Variants in SLC24A2 observed in about 807,000 individuals in gnomAD.
SLC24A2 encodes sodium/potassium/calcium exchanger 2.
Under a neutral mutation model 62.0 loss-of-function variants are expected in SLC24A2, and 36 were observed. That is an observed-to-expected ratio of 0.58 (90% CI 0.44 to 0.77). SLC24A2 has a LOEUF of 0.77. SLC24A2 is among the 30% of genes least tolerant of loss of function. SLC24A2 has a pLI of 0.00. For synonymous variants in SLC24A2, 358 were observed against 294.0 expected, an observed-to-expected ratio of 1.22 and a Z score of -2.23; for missense variants, 846 against 817.9, an observed-to-expected ratio of 1.03 and a Z score of -0.42.
At chr9:19,828,277 G>C in the SLC24A2 span, among the ~76,000 whole-genome samples, 5 of 151,996 alleles carry the variant, frequency 3.3e-5, no homozygotes, top group East Asian at 9.7e-4. Context: ...ATAACTAAAA[G>C]AATGGAATTG....
intron 8 of SLC24A2, among the ~76,000 whole-genome samples, chr9:19,535,484 A>C (rs965998333): frequency 1.3e-5 from 2 of 152,144 alleles, no homozygotes; most frequent in Non-Finnish European, 2.9e-5. Context: ...TTACGGTTTT[A>C]GGTCTTAAGG....
chr9:19,512,766 T>G lies in SLC24A2; in HGVS notation c.*3387A>C, dbSNP rs188506762. ...GATTGATTAGTACAATGTTGGCTCT[T>G]GAATTGTTGATATCTTTTATACCCT... On this transcript the variant is annotated 3_prime_UTR_variant, in exon 11 of 11. Coordinates refer to ENST00000341998, the MANE Select transcript of SLC24A2 (RefSeq NM_020344.4). 1.4e-4 allele frequency: 21 copies of G among 152,262 alleles called. No individual in the cohort carries two copies. The East Asian group carries it at 3.1e-3, about 22-fold the overall frequency. 9.4% of individuals were successfully genotyped at this position (152,262 alleles called of 1,614,324 possible). A position where few individuals can be genotyped will look rare whatever the true frequency, so the allele number is the denominator to read the frequency against.
chr9:20,068,478 G>T, the SLC24A2 span, among the ~76,000 whole-genome samples: 1 of 152,042 alleles, frequency 6.6e-6, no homozygotes, highest in Non-Finnish European at 1.5e-5. Context: ...AACATATTAT[G>T]ATTGTTACCC....
chr9:20,150,895 A>T, the SLC24A2 span, among the ~76,000 whole-genome samples: 1 of 151,976 alleles, frequency 6.6e-6, no homozygotes, highest in Non-Finnish European at 1.5e-5. Flanking sequence ...AAACATAAAC[A>T]AATGGTTATT....
Position 19,562,884 on chromosome 9 carries a change from C to T in SLC24A2, c.1347+10467G>A, listed in dbSNP as rs1403186268. On this transcript the variant is annotated intron_variant, in intron 7 of 10. Transcript: ENST00000341998. Reference sequence around the variant, plus strand: ...CTTTTGGAGCTCTGGGTAGAAGGATCGCTTGAGGCCAGGAGTTTGAGACCA... The same window carrying T: ...CTTTTGGAGCTCTGGGTAGAAGGATTGCTTGAGGCCAGGAGTTTGAGACCA... Among the ~76,000 whole-genome samples, 9 of 152,174 alleles carry T rather than the reference C, an allele frequency of 5.9e-5. No individual in the cohort carries two copies. The East Asian group carries it at 1.4e-3, about 23-fold the overall frequency.
intron 4 of SLC24A2, among the ~76,000 whole-genome samples, chr9:19,597,956 G>A (rs1358794183): frequency 6.6e-6 from 1 of 152,110 alleles, no homozygotes. Flanking sequence ...AACAGCAGGA[G>A]GCAGGGCAAG....
intron 8 of SLC24A2, among the ~76,000 whole-genome samples, chr9:19,543,306 G>T (rs1834375533): frequency 6.6e-6 from 1 of 151,758 alleles, no homozygotes; most frequent in Non-Finnish European, 1.5e-5. Context: ...GCATCCATTT[G>T]ATTCTTCTCT....
intron 7 of SLC24A2, among the ~76,000 whole-genome samples, chr9:19,572,245 G>A (rs1006584638): frequency 5.0e-5 from 6 of 121,130 alleles, no homozygotes; most frequent in Non-Finnish European, 8.2e-5. Context: ...GGGTGACAGA[G>A]TGAGAGTCCG....
the SLC24A2 span, among the ~76,000 whole-genome samples, chr9:19,809,023 C>A: frequency 6.6e-6 from 1 of 152,176 alleles, no homozygotes; most frequent in Non-Finnish European, 1.5e-5. Context: ...GGTTCTGAAT[C>A]TTATTTCTGG....
chr9:19,804,121 T>C, the SLC24A2 span, among the ~76,000 whole-genome samples: 3 of 152,156 alleles, frequency 2.0e-5, no homozygotes, highest in African/African-American at 7.2e-5. Flanking sequence ...CATTTACACA[T>C]GAATTATAGA....
rs1444670501 is a variant in SLC24A2, at chr9:19,509,946, TATAAACA to T, written c.*6200_*6206del. 1.3e-5 allele frequency: 2 copies of T among 152,190 alleles called. No homozygotes were observed. Among genetic ancestry groups the T allele is most frequent in the Non-Finnish European group, 2.9e-5 (2 of 68,036 alleles). 9.4% of individuals were successfully genotyped at this position (152,190 alleles called of 1,614,324 possible). On this transcript the variant is annotated 3_prime_UTR_variant, in exon 11 of 11. Coordinates refer to ENST00000341998, the MANE Select transcript of SLC24A2 (RefSeq NM_020344.4). ...CTATCCAACCTACCACACAAAAGGA[TATAAACA>T]CACTGCAGTACTGGTTAATAAGTGG...
chr9:20,114,388 T>C, the SLC24A2 span, among the ~76,000 whole-genome samples: 13 of 152,164 alleles, frequency 8.5e-5, no homozygotes, highest in African/African-American at 3.1e-4. Context: ...GGAGCTAAAC[T>C]AGTCCTATGC....
At chr9:19,560,897 GTA>G (rs1194433228) in intron 7 of SLC24A2, among the ~76,000 whole-genome samples, 313 of 128,534 alleles carry the variant, frequency 2.4e-3, no homozygotes, top group Middle Eastern at 8.3e-3. Flanking sequence ...GTGTGTGTGT[GTA>G]TATATATATA....
At chr9:20,121,743 C>A in the SLC24A2 span, among the ~76,000 whole-genome samples, 1 of 152,110 alleles carries the variant, frequency 6.6e-6, no homozygotes, top group East Asian at 1.9e-4. Flanking sequence ...CTACTCAAAG[C>A]CACTCCTAAG....
At chr9:19,903,570 C>G in the SLC24A2 span, among the ~76,000 whole-genome samples, 13 of 152,172 alleles carry the variant, frequency 8.5e-5, no homozygotes, top group African/African-American at 3.1e-4. Context: ...CCTTCTCACT[C>G]AGGTAGGCTG....
chr9:19,830,962 CT>C, the SLC24A2 span, among the ~76,000 whole-genome samples: 1 of 152,178 alleles, frequency 6.6e-6, no homozygotes, highest in Non-Finnish European at 1.5e-5. Flanking sequence ...GTATTCTCTG[CT>C]TCCAAGAGGG....
At chr9:19,918,146 G>GTT in the SLC24A2 span, among the ~76,000 whole-genome samples, 11 of 147,836 alleles carry the variant, frequency 7.4e-5, no homozygotes, top group Non-Finnish European at 1.7e-4. Context: ...CATTATGTGT[G>GTT]TGTGTGTGTG....
rs546032025 is a variant in SLC24A2 at position 19,542,096 on chromosome 9, C to G, written c.1479+8041G>C. Among the ~76,000 whole-genome samples the G allele has an allele frequency of 7.9e-5, 12 of 152,288 alleles. No individual in the cohort carries two copies. In the East Asian group the frequency reaches 2.3e-3, roughly 29 times the overall value. On this transcript the variant is annotated intron_variant, in intron 8 of 10. Transcript: ENST00000341998. ...CGGTGCACGCACACACTGGCCTGCG[C>G]CCACTGTCTGGCACTCCCTAGTGAG...
At chr9:19,763,259 C>A (rs1415333844) in intron 2 of SLC24A2, among the ~76,000 whole-genome samples, 2 of 152,182 alleles carry the variant, frequency 1.3e-5, no homozygotes, top group African/African-American at 4.8e-5. Flanking sequence ...GTGTCATCTG[C>A]AAACAGAGAT....
Sources: allele counts gnomAD v4.1 joint callset (sites outside exome capture counted in the v4.1 genomes callset), GRCh38; gene constraint gnomAD v4.1.1; transcripts MANE v1.5; gene names NCBI Gene and HGNC (gene_info 2026-07-23, HGNC 2026-07-21).